The following GREB1 variants were observed in gnomAD, a reference collection of about 807,000 sequenced individuals.
GREB1 encodes growth regulating estrogen receptor binding 1, also known as protein GREB1.
Under a neutral mutation model 200.7 loss-of-function variants are expected in GREB1, and 106 were observed. That is an observed-to-expected ratio of 0.53 (90% confidence interval 0.45 to 0.62). The LOEUF (loss-of-function observed/expected upper bound fraction) is 0.62. GREB1 is among the 20% of genes least tolerant of loss of function. GREB1 has a pLI of 0.00. For synonymous variants in GREB1, 1,132 were observed against 1,092.4 expected (o/e 1.04, Z -0.72); for missense variants, 2,243 against 2,556.8 (o/e 0.88, Z 2.65).
intron 1 of GREB1, among the ~76,000 whole-genome samples, chr2:11,539,154 G>A (rs543169862): frequency 1.3e-5 from 2 of 151,694 alleles, no homozygotes; most frequent in Admixed American, 1.3e-4. Flanking sequence ...CTGGGCTCAA[G>A]CGATCCTCCC....
intron 15 of GREB1, among the ~76,000 whole-genome samples, chr2:11,599,496 C>T (rs1013222948): frequency 6.0e-5 from 9 of 150,256 alleles, no homozygotes; most frequent in South Asian, 2.1e-4. Flanking sequence ...CCTGTCTCCA[C>T]GCCCAGCTAA....
In GREB1 at chr2:11,596,162, A is replaced by G. The variant is rs1681186662; in HGVS notation, c.1877A>G (p.His626Arg). The G allele has an allele frequency of 6.2e-7, 1 of 1,613,608 alleles. No homozygotes were observed. The highest frequency in any genetic ancestry group is 1.3e-5 in the African/African-American group (1 of 75,034). Residue 626 changes from histidine to arginine, a missense_variant, in exon 13 of 33, where the codon CAT (histidine) becomes CGT (arginine). Transcript: ENST00000381486. ...LDKFHQENQGHISSSLAASSV... is the reference protein window; with the variant it reads ...LDKFHQENQGRISSSLAASSV... Reference sequence around the variant, plus strand: ...AAATTTCACCAGGAAAATCAAGGCCATATTTCTTCCTCACTCGCTGCCTCT... The same window carrying G: ...AAATTTCACCAGGAAAATCAAGGCCGTATTTCTTCCTCACTCGCTGCCTCT...
rs1353823316 is a variant in GREB1, at chr2:11,640,574, G to T, written c.*120G>T. 1.7e-6 allele frequency: 2 copies of T among 1,173,680 alleles called. No individual in the cohort carries two copies. Among genetic ancestry groups the T allele is most frequent in the Non-Finnish European group, 1.2e-6 (1 of 810,586 alleles). 72.7% of individuals were successfully genotyped at this position (1,173,680 alleles called of 1,614,324 possible). ...GGAATGGACCCCAGGGACTGTCCAGGTGCAGCCCCTCCTAGTACACATGGG... is the reference window on the plus strand; with the variant it reads ...GGAATGGACCCCAGGGACTGTCCAGTTGCAGCCCCTCCTAGTACACATGGG... On this transcript the variant is annotated 3_prime_UTR_variant, in exon 33 of 33. Transcript: ENST00000381486. This position sits in a 1 kb window ranked among gnomAD's most constrained non-coding sequence, Gnocchi z 4.6.
At chr2:11,510,865 G>T (rs1673329935) in intron 1 of GREB1, among the ~76,000 whole-genome samples, 1 of 151,956 alleles carries the variant, frequency 6.6e-6, no homozygotes, top group Non-Finnish European at 1.5e-5. Flanking sequence ...TAGAGACAGG[G>T]TTTCGCCATG....
intron 1 of GREB1, among the ~76,000 whole-genome samples, chr2:11,547,278 G>A (rs1675375129): frequency 6.6e-6 from 1 of 152,218 alleles, no homozygotes; most frequent in Non-Finnish European, 1.5e-5. Context: ...ACTTTTCATG[G>A]AAGAGATTCT....
rs184203957 is a variant in GREB1, at chr2:11,548,349, T to C, written c.-161-8105T>C. On this transcript the variant is annotated intron_variant, in intron 1 of 32. Transcript: ENST00000381486. This position sits in a 1 kb window ranked among gnomAD's most constrained non-coding sequence, Gnocchi z 5.1. The stretch of plus-strand genomic sequence containing the variant: ...ACACCCAGACACGTGCACACATGCA[T>C]ATACCCCAACACAGATGCACACACA... Among the ~76,000 whole-genome samples the C allele has an allele frequency of 1.4e-5, 2 of 145,010 alleles. No homozygotes were observed. The highest frequency in any genetic ancestry group is 2.1e-4 in the South Asian group (1 of 4,796).
chr2:11,509,244 T>C (rs1673282801), intron 1 of GREB1, among the ~76,000 whole-genome samples: 1 of 152,126 alleles, frequency 6.6e-6, no homozygotes, highest in African/African-American at 2.4e-5. Context: ...TTTTTTCTCC[T>C]TTTTAAGGCT....
chr2:11,554,998 A>G (rs932833747), intron 1 of GREB1, among the ~76,000 whole-genome samples: 29 of 152,250 alleles, frequency 1.9e-4, no homozygotes, highest in African/African-American at 6.8e-4. Flanking sequence ...GGGAAATGAT[A>G]AACTGTCTAG....
intron 7 of GREB1, among the ~76,000 whole-genome samples, chr2:11,582,985 C>T (rs946210139): frequency 6.6e-6 from 1 of 152,204 alleles, no homozygotes; most frequent in East Asian, 1.9e-4. Flanking sequence ...TGGGACAGAG[C>T]GGGCAGGATG....
At chr2:11,537,798 C>CAT (rs1311461923) in intron 1 of GREB1, among the ~76,000 whole-genome samples, 2 of 148,358 alleles carry the variant, frequency 1.3e-5, no homozygotes, top group Non-Finnish European at 3.0e-5. Context: ...AAAATACATA[C>CAT]ATGTATTTTA....
At chr2:11,564,300 C>G (rs58738000) in intron 3 of GREB1, among the ~76,000 whole-genome samples, 10,503 of 151,744 alleles carry the variant, frequency 0.069, 361 homozygotes, top group Middle Eastern at 0.099. Context: ...CTCTTCCAGG[C>G]AAGGGGAAGG....
intron 1 of GREB1, among the ~76,000 whole-genome samples, chr2:11,544,991 T>A (rs1180268844): frequency 6.6e-6 from 1 of 151,844 alleles, no homozygotes; most frequent in Non-Finnish European, 1.5e-5. Flanking sequence ...ACTTTAGTAT[T>A]TTTGGTAGAG....
At chr2:11,539,653 C>T (rs1291046171) in intron 1 of GREB1, among the ~76,000 whole-genome samples, 1 of 152,168 alleles carries the variant, frequency 6.6e-6, no homozygotes, top group Non-Finnish European at 1.5e-5. Flanking sequence ...GGTGGTTAGA[C>T]AGATTGGTAT....
intron 11 of GREB1, among the ~76,000 whole-genome samples, 168 bp from the exon 12 acceptor site, chr2:11,595,083 A>G (rs372216863): frequency 6.6e-6 from 1 of 150,478 alleles, no homozygotes; most frequent in Non-Finnish European, 1.5e-5. Context: ...GTCAGGCACC[A>G]TTGTCTTGTG....
chr2:11,639,115 A>C (rs1190627789), intron 32 of GREB1, among the ~76,000 whole-genome samples: 1 of 152,022 alleles, frequency 6.6e-6, no homozygotes, highest in Admixed American at 6.6e-5. Flanking sequence ...TTTGAGATGG[A>C]GTCTCGCTCT....
At chr2:11,574,229 G>A (rs573732778) in intron 4 of GREB1, among the ~76,000 whole-genome samples, 17 of 152,312 alleles carry the variant, frequency 1.1e-4, no homozygotes, top group African/African-American at 3.4e-4. Context: ...GTATTAGTCA[G>A]TACCTGTACA....
At chr2:11,538,651 TTC>T (rs1297623408) in intron 1 of GREB1, among the ~76,000 whole-genome samples, 1 of 24,624 alleles carries the variant, frequency 4.1e-5, no homozygotes, top group African/African-American at 6.9e-5. Flanking sequence ...CTTTCTTTCT[TTC>T]TTTCTTTCTT....
chr2:11,529,055 C>T (rs552538063), upstream of GREB1, among the ~76,000 whole-genome samples: 7 of 152,238 alleles, frequency 4.6e-5, no homozygotes, highest in Admixed American at 4.6e-4. Flanking sequence ...AGAGAATCTG[C>T]CTCATTTGAA....
At chr2:11,518,646 A>G (rs1434562521) in intron 1 of GREB1, among the ~76,000 whole-genome samples, 2 of 151,484 alleles carry the variant, frequency 1.3e-5, no homozygotes, top group Non-Finnish European at 2.9e-5. Flanking sequence ...TGCTAAAATG[A>G]TTTACATTAG....
Sources: gnomAD v4.1 joint callset for allele counts (sites outside exome capture counted in the v4.1 genomes callset) on GRCh38, gnomAD v4.1.1 for gene constraint, Gnocchi (gnomAD v3.1) non-coding constraint, MANE v1.5 for transcripts, NCBI Gene and HGNC (gene_info 2026-07-23, HGNC 2026-07-21) for gene names.